SOX6: variants seen among roughly 807,000 people sequenced by gnomAD.
The protein encoded by SOX6 is transcription factor SOX-6.
SOX6 carries 11 observed loss-of-function variants against 97.8 expected under a neutral mutation model. That is an observed-to-expected ratio of 0.11 (90% CI 0.07 to 0.19). The LOEUF (loss-of-function observed/expected upper bound fraction) is 0.19, where lower values mean the gene tolerates loss of function less well. Ranked by LOEUF, SOX6 falls within the 10% of genes least tolerant of loss-of-function variation. The probability of loss-of-function intolerance (pLI) is 1.00; values close to 1 mark genes in which losing one functional copy is unlikely to be tolerated. For missense variants in SOX6, 810 were observed against 1,039.5 expected, an observed-to-expected ratio of 0.78 and a Z score of 3.04; for synonymous variants, 360 against 371.4, an observed-to-expected ratio of 0.97 and a Z score of 0.35.
At chr11:16,452,674 AT>A (rs1859741025) in intron 1 of SOX6, among the ~76,000 whole-genome samples, 1 of 152,188 alleles carries the variant, frequency 6.6e-6, no homozygotes, top group South Asian at 2.1e-4. Flanking sequence ...AACTGTAAAA[AT>A]GAGATTTCCT....
At chr11:16,375,015 C>T (rs1193623798) in intron 1 of SOX6, among the ~76,000 whole-genome samples, 1 of 151,884 alleles carries the variant, frequency 6.6e-6, no homozygotes, top group Non-Finnish European at 1.5e-5. Flanking sequence ...AACACTATGC[C>T]TATTAGCAAC....
chr11:16,401,117 C>A (rs1284466217), intron 1 of SOX6, among the ~76,000 whole-genome samples: 1 of 151,372 alleles, frequency 6.6e-6, no homozygotes, highest in Non-Finnish European at 1.5e-5. Flanking sequence ...ACATTGGATC[C>A]CTTTCTACAA....
intron 4 of SOX6, among the ~76,000 whole-genome samples, chr11:16,525,908 G>T (rs1861154034): frequency 6.6e-6 from 1 of 152,148 alleles, no homozygotes; most frequent in Non-Finnish European, 1.5e-5. Flanking sequence ...GGCCATCAGA[G>T]AAATGCAAAT....
At chr11:16,166,752 T>C (rs1164385721) in intron 6 of SOX6, among the ~76,000 whole-genome samples, 2 of 152,272 alleles carry the variant, frequency 1.3e-5, no homozygotes, top group East Asian at 1.9e-4. Context: ...CAGGCCATAA[T>C]GAAATTCTAG....
At chr11:16,513,274 AC>A (rs1860908250) in intron 4 of SOX6, among the ~76,000 whole-genome samples, 1 of 152,210 alleles carries the variant, frequency 6.6e-6, no homozygotes, top group South Asian at 2.1e-4. Flanking sequence ...AAGAAATAAA[AC>A]AAAATTATAG....
At chr11:16,541,003 C>T (rs889721947) in intron 4 of SOX6, among the ~76,000 whole-genome samples, 11 of 152,070 alleles carry the variant, frequency 7.2e-5, no homozygotes, top group Non-Finnish European at 1.2e-4. Flanking sequence ...AAAAAGGGCC[C>T]GCATTGCCAA....
intron 6 of SOX6, among the ~76,000 whole-genome samples, chr11:16,132,401 A>AGAAAGAAAGAAAAAAAG (rs34012369): frequency 2.3e-5 from 1 of 43,836 alleles, no homozygotes; most frequent in African/African-American, 1.1e-4. Flanking sequence ...AAAGAAAGAA[A>AGAAAGAAAGAAAAAAAG]AAAGAAAGAA....
At chr11:16,636,323 G>A (rs1848788946) in intron 3 of SOX6, among the ~76,000 whole-genome samples, 1 of 152,164 alleles carries the variant, frequency 6.6e-6, no homozygotes, top group Non-Finnish European at 1.5e-5. Context: ...AGATTTGACT[G>A]TCCCACCGGA....
chr11:16,499,413 G>A (rs1393784991), intron 4 of SOX6, among the ~76,000 whole-genome samples: 2 of 152,076 alleles, frequency 1.3e-5, no homozygotes, highest in African/African-American at 4.8e-5. Flanking sequence ...GGAAGCAAGA[G>A]AAAACACATT....
chr11:16,111,926 G>A lies in SOX6; in HGVS notation c.778-3C>T. Reference sequence around the variant, plus strand: ...AGCGGAGGCATGTGACCCTGAACCTGCTAAACAGAAGAGAGCCTATGATCA... The same window carrying A: ...AGCGGAGGCATGTGACCCTGAACCTACTAAACAGAAGAGAGCCTATGATCA... On this transcript the variant is annotated splice_region_variant and splice_polypyrimidine_tract_variant and intron_variant, in intron 6 of 15. Coordinates refer to ENST00000683767, the MANE Select transcript of SOX6 (RefSeq NM_001367873.1). 6.2e-7 allele frequency: 1 copy of A among 1,612,072 alleles called. No individual in the cohort carries two copies. Among genetic ancestry groups the A allele is most frequent in the African/African-American group, 1.3e-5 (1 of 74,972 alleles).
chr11:16,194,294 A>G, intron 4 of SOX6, among the ~76,000 whole-genome samples: 1 of 152,216 alleles, frequency 6.6e-6, no homozygotes, highest in East Asian at 1.9e-4. Context: ...TTTGGTTACA[A>G]CAGCTGAACC....
At chr11:16,066,846 G>A (rs1848105372) in intron 9 of SOX6, among the ~76,000 whole-genome samples, 1 of 152,130 alleles carries the variant, frequency 6.6e-6, no homozygotes, top group South Asian at 2.1e-4. Flanking sequence ...TCAACAGGGT[G>A]ACTATAGTCA....
intron 6 of SOX6, among the ~76,000 whole-genome samples, chr11:16,176,070 CGGAT>C (rs71826187): frequency 0.48 from 71,506 of 148,184 alleles, 17,434 homozygotes; most frequent in Middle Eastern, 0.62. Flanking sequence ...GACGGACGGA[CGGAT>C]GGATGGATGG....
chr11:16,629,306 C>T (rs768927497), intron 3 of SOX6, among the ~76,000 whole-genome samples: 1 of 152,152 alleles, frequency 6.6e-6, no homozygotes, highest in South Asian at 2.1e-4. Context: ...TACCACGAAG[C>T]GATGTTGGAT....
chr11:16,183,759 A>G (rs987111879), intron 6 of SOX6, 127 bp downstream of exon 6: 2 of 775,896 alleles, frequency 2.6e-6, no homozygotes, highest in Non-Finnish European at 4.4e-6. Context: ...ATTGTGCACA[A>G]CATCCTTGAA....
chr11:16,579,184 T>C, intron 4 of SOX6, among the ~76,000 whole-genome samples: 1 of 152,076 alleles, frequency 6.6e-6, no homozygotes, highest in East Asian at 1.9e-4. Context: ...AGAAATCAAT[T>C]CCACAATAAA....
intron 7 of SOX6, among the ~76,000 whole-genome samples, chr11:16,108,132 G>C (rs1849141398): frequency 6.6e-6 from 1 of 152,188 alleles, no homozygotes; most frequent in South Asian, 2.1e-4. Flanking sequence ...AAGTAAGGAT[G>C]AAATAAAATA....
chr11:16,719,771 C>G (rs1472710286), intron 2 of SOX6, among the ~76,000 whole-genome samples: 3 of 151,894 alleles, frequency 2.0e-5, no homozygotes, highest in Non-Finnish European at 2.9e-5. Context: ...AAAAAATAAA[C>G]AAAATTAGCT....
chr11:16,022,731 T>C (rs1855105640), intron 12 of SOX6, among the ~76,000 whole-genome samples: 1 of 152,138 alleles, frequency 6.6e-6, no homozygotes, highest in Admixed American at 6.6e-5. Context: ...CCATTTTATC[T>C]TGGCTGCTAA....
Sources: allele counts gnomAD v4.1 joint callset (sites outside exome capture counted in the v4.1 genomes callset), GRCh38; gene constraint gnomAD v4.1.1; transcripts MANE v1.5; gene names NCBI Gene and HGNC (gene_info 2026-07-23, HGNC 2026-07-21).